Variants in GFOD1 observed in about 807,000 individuals in gnomAD.
The protein encoded by GFOD1 is Gfo/Idh/MocA-like oxidoreductase domain containing 1, also known as glucose-fructose oxidoreductase domain-containing protein 1.
Under a neutral mutation model 25.4 loss-of-function variants are expected in GFOD1, and 9 were observed. The ratio of observed to expected loss-of-function variants is 0.35; its 90% CI spans 0.21 to 0.62. The LOEUF (loss-of-function observed/expected upper bound fraction) is 0.62, where lower values mean the gene tolerates loss of function less well. Among genes scored for constraint, GFOD1 ranks in the 20% least tolerant of loss-of-function variants. GFOD1 has a pLI of 0.72. For synonymous variants in GFOD1, 253 were observed against 245.6 expected, an observed-to-expected ratio of 1.03 and a Z score of -0.28; for missense variants, 403 against 556.9, an observed-to-expected ratio of 0.72 and a Z score of 2.78.
chr6:13,423,251 T>C (rs1786291884), intron 1 of GFOD1, among the ~76,000 whole-genome samples: 1 of 139,738 alleles, frequency 7.2e-6, no homozygotes, highest in East Asian at 1.9e-4. Flanking sequence ...TGTTTTGATG[T>C]TAAGATGGGT....
At chr6:13,418,207 C>T (rs890980035) in intron 1 of GFOD1, among the ~76,000 whole-genome samples, 5 of 152,142 alleles carry the variant, frequency 3.3e-5, no homozygotes, top group African/African-American at 1.2e-4. Context: ...TACACCGAAG[C>T]CACTGCAGGG....
In GFOD1 at chr6:13,445,528, G is replaced by A. The variant is rs146064093; in HGVS notation, c.253+41110C>T. 3.2e-3 allele frequency among the ~76,000 whole-genome samples: 490 copies of A among 152,264 alleles called. 1 individual carries two copies. Among genetic ancestry groups the A allele is most frequent in the African/African-American group, 0.011 (468 of 41,534 alleles). ...CCAGAGCCAAGGACAAACAGATCTC[G>A]TCATTTGGCAATGCCTGGCTTCTTT... On this transcript the variant is annotated intron_variant, in intron 1 of 1. Transcript: ENST00000379287.
chr6:13,393,940 G>A (rs545069530), intron 1 of GFOD1, among the ~76,000 whole-genome samples: 6 of 151,918 alleles, frequency 3.9e-5, no homozygotes, highest in Admixed American at 3.3e-4. Flanking sequence ...CACCACGCCC[G>A]GCTAATTTTT....
chr6:13,363,461 C>T lies in GFOD1; in HGVS notation c.*1282G>A, dbSNP rs914836550. On this transcript the variant is annotated 3_prime_UTR_variant, in exon 2 of 2. Coordinates refer to ENST00000379287, the MANE Select transcript of GFOD1 (RefSeq NM_018988.4). ...TTTTAGAAACACTAGAAATAATGTT[C>T]CTTGTTGTCCTTTTGTTTTGTTTCG... is the stretch of plus-strand genomic sequence containing the variant. 2 of 151,420 alleles carry T rather than the reference C, an allele frequency of 1.3e-5. No homozygotes were observed. The highest frequency in any genetic ancestry group is 2.1e-4 in the South Asian group (1 of 4,812). 9.4% of individuals were successfully genotyped at this position (151,420 alleles called of 1,614,324 possible). A position where few individuals can be genotyped will look rare whatever the true frequency, so the allele number is the denominator to read the frequency against.
At chr6:13,424,262 T>G (rs1245150386) in intron 1 of GFOD1, among the ~76,000 whole-genome samples, 1 of 152,194 alleles carries the variant, frequency 6.6e-6, no homozygotes, top group Admixed American at 6.5e-5. Flanking sequence ...CTACAATGGG[T>G]TGGAGGCTGC....
intron 1 of GFOD1, among the ~76,000 whole-genome samples, chr6:13,455,251 G>A (rs1228414126): frequency 1.3e-5 from 2 of 152,142 alleles, no homozygotes; most frequent in African/African-American, 4.8e-5. Context: ...GACCCAACCC[G>A]AACTGAGTTT....
chr6:13,412,738 T>C (rs1786100431), intron 1 of GFOD1, among the ~76,000 whole-genome samples: 1 of 152,244 alleles, frequency 6.6e-6, no homozygotes, highest in Admixed American at 6.5e-5. Context: ...CCTTCCCTTC[T>C]GGGCTAACAC....
chr6:13,396,163 T>C (rs1785724890), intron 1 of GFOD1, among the ~76,000 whole-genome samples: 1 of 152,200 alleles, frequency 6.6e-6, no homozygotes, highest in Admixed American at 6.5e-5. Context: ...CTAGAAATCC[T>C]CCAAAGAATT....
At chr6:13,399,592 C>G (rs968713220) in intron 1 of GFOD1, among the ~76,000 whole-genome samples, 1 of 152,132 alleles carries the variant, frequency 6.6e-6, no homozygotes, top group African/African-American at 2.4e-5. Context: ...GAAGAAATCT[C>G]AAAACCGGTA....
chr6:13,367,032 T>C (rs184392688), intron 1 of GFOD1, among the ~76,000 whole-genome samples: 37 of 152,000 alleles, frequency 2.4e-4, no homozygotes, highest in African/African-American at 7.7e-4. Context: ...GTATACAATA[T>C]AATCTTTTTA....
chr6:13,421,497 A>G (rs1398944274), intron 1 of GFOD1, among the ~76,000 whole-genome samples: 3 of 152,150 alleles, frequency 2.0e-5, no homozygotes, highest in African/African-American at 7.2e-5. Context: ...CTGTCTCAAA[A>G]AAAAAGTAAG....
At chr6:13,391,103 C>G (rs1176486081) in intron 1 of GFOD1, among the ~76,000 whole-genome samples, 1 of 152,148 alleles carries the variant, frequency 6.6e-6, no homozygotes, top group African/African-American at 2.4e-5. Context: ...GAAAGTTTCA[C>G]AGGACACTTA....
At chr6:13,425,328 A>G (rs1219232694) in intron 1 of GFOD1, among the ~76,000 whole-genome samples, 1 of 152,156 alleles carries the variant, frequency 6.6e-6, no homozygotes, top group Non-Finnish European at 1.5e-5. Context: ...TAAAGATGAG[A>G]AAACTGAGAT....
rs549568711 is a variant in GFOD1 at position 13,487,170 on chromosome 6, G to A, written c.-280C>T. The A allele has an allele frequency of 2.0e-3, 776 of 395,394 alleles. 5 individuals carry two copies. The highest frequency in any genetic ancestry group is 7.2e-3 in the Middle Eastern group (11 of 1,524). The allele number at this position is 395,394 out of a possible 1,614,324, so 24.5% of individuals were successfully genotyped here. A position where few individuals can be genotyped will look rare whatever the true frequency, so the allele number is the denominator to read the frequency against. On this transcript the variant is annotated 5_prime_UTR_variant, in exon 1 of 2. Transcript: ENST00000379287. The surrounding 1 kb of genome is among the most constrained non-coding windows in gnomAD (Gnocchi z 4.9). The stretch of plus-strand genomic sequence containing the variant: ...GCAGGGACCCCCCCAGGGCGCCGGA[G>A]GCTTCGAAGCCCCCTGGAGCCCCGG...
intron 1 of GFOD1, among the ~76,000 whole-genome samples, chr6:13,390,005 G>A (rs565025122): frequency 6.6e-6 from 1 of 151,816 alleles, no homozygotes; most frequent in Admixed American, 6.6e-5. Flanking sequence ...TCCCTCCTTT[G>A]CTACCTGCCT....
intron 1 of GFOD1, among the ~76,000 whole-genome samples, chr6:13,400,219 T>C (rs887014532): frequency 1.3e-5 from 2 of 152,202 alleles, no homozygotes; most frequent in East Asian, 1.9e-4. Flanking sequence ...GGCAGTCACA[T>C]TGGGGGTGGG....
chr6:13,376,182 G>C (rs1056450869), intron 1 of GFOD1, among the ~76,000 whole-genome samples: 1 of 152,218 alleles, frequency 6.6e-6, no homozygotes, highest in Non-Finnish European at 1.5e-5. Context: ...ATACAGACCA[G>C]AGTCTAAGGA....
chr6:13,473,294 C>T (rs1449062899), intron 1 of GFOD1, among the ~76,000 whole-genome samples: 1 of 152,176 alleles, frequency 6.6e-6, no homozygotes, highest in African/African-American at 2.4e-5. Context: ...GGCTGGGCAC[C>T]CTTCAAGGCA....
intron 1 of GFOD1, among the ~76,000 whole-genome samples, chr6:13,473,137 A>G (rs1758543724): frequency 6.6e-6 from 1 of 152,194 alleles, no homozygotes; most frequent in South Asian, 2.1e-4. Flanking sequence ...TCATATGCAA[A>G]TGTCCTTCTC....
Sources: allele counts gnomAD v4.1 joint callset (sites outside exome capture counted in the v4.1 genomes callset), GRCh38; gene constraint gnomAD v4.1.1; non-coding constraint Gnocchi (gnomAD v3.1); transcripts MANE v1.5; gene names NCBI Gene and HGNC (gene_info 2026-07-23, HGNC 2026-07-21).